The following PRPH2 variants were observed in gnomAD, a reference collection of about 807,000 sequenced individuals.
PRPH2 encodes the protein peripherin-2.
Under a neutral mutation model 31.3 loss-of-function variants are expected in PRPH2, and 17 were observed. The observed-to-expected ratio is 0.54, with a 90% confidence interval of 0.37 to 0.81. PRPH2 has a LOEUF of 0.81. Ranked by LOEUF, PRPH2 falls within the 40% of genes least tolerant of loss-of-function variation. PRPH2 has a pLI of 0.00. For missense variants in PRPH2, 430 were observed against 439.7 expected (o/e 0.98, Z 0.20); for synonymous variants, 165 against 184.4 (o/e 0.89, Z 0.85).
At chr6:42,704,682 C>T in intron 1 of PRPH2, 71 bp from the exon 2 acceptor site, 2 of 1,605,720 alleles carry the variant, frequency 1.2e-6, no homozygotes, top group Non-Finnish European at 1.7e-6. Context: ...CTCCCAACCC[C>T]TGCCTCTGGA....
At chr6:42,721,012 A>G (rs1761892549) in intron 1 of PRPH2, among the ~76,000 whole-genome samples, 1 of 152,228 alleles carries the variant, frequency 6.6e-6, no homozygotes, top group African/African-American at 2.4e-5. Flanking sequence ...ATCACATTGC[A>G]CTATCATGAC....
At chr6:42,699,262 C>T (rs562486899) in intron 2 of PRPH2, among the ~76,000 whole-genome samples, 1 of 151,922 alleles carries the variant, frequency 6.6e-6, no homozygotes, top group South Asian at 2.1e-4. Flanking sequence ...TATGTGGTTT[C>T]CCCATGTTGC....
At chr6:42,717,181 G>A (rs1761804248) in intron 1 of PRPH2, among the ~76,000 whole-genome samples, 1 of 150,816 alleles carries the variant, frequency 6.6e-6, no homozygotes, top group East Asian at 2.0e-4. Context: ...GGGAGGCCAA[G>A]GAAGGTGGAT....
rs1220298682 is a variant in PRPH2 at position 42,698,303 on chromosome 6, C to T, written c.1033G>A (p.Ala345Thr). Reference sequence around the variant, plus strand: ...GAGGGGCCCCAGGGCCCTCAGCCAGCCTCTGGGGCCTGGCCTGCGTCTGCG... The same window carrying T: ...GAGGGGCCCCAGGGCCCTCAGCCAGTCTCTGGGGCCTGGCCTGCGTCTGCG... ...EGADAGQAPE[A>T]G Residue 345 changes from alanine to threonine, a missense_variant, in exon 3 of 3, where the codon GCT (alanine) becomes ACT (threonine). Transcript: ENST00000230381. The T allele has an allele frequency of 6.2e-7, 1 of 1,613,620 alleles. No individual in the cohort carries two copies. The highest frequency in any genetic ancestry group is 8.5e-7 in the Non-Finnish European group (1 of 1,179,810).
At chr6:42,713,643 G>A (rs1023139982) in intron 1 of PRPH2, among the ~76,000 whole-genome samples, 5 of 151,952 alleles carry the variant, frequency 3.3e-5, no homozygotes, top group South Asian at 2.1e-4. Flanking sequence ...GGGAAAGGCC[G>A]GGAGCGGTGG....
intron 1 of PRPH2, among the ~76,000 whole-genome samples, chr6:42,707,464 G>C (rs773392938): frequency 4.6e-5 from 7 of 152,036 alleles, no homozygotes; most frequent in Non-Finnish European, 1.0e-4. Flanking sequence ...TTCTCCTCTG[G>C]TCTCTCCTGC....
Position 42,697,585 on chromosome 6 carries a change from A to C in PRPH2, c.*710T>G, listed in dbSNP as rs1799969148. ...GCCTGACTTCCTCAACCCGTGGTTCACTCCAGACTCAGTGACCGAGGGCAT... is the reference window on the plus strand; with the variant it reads ...GCCTGACTTCCTCAACCCGTGGTTCCCTCCAGACTCAGTGACCGAGGGCAT... On this transcript the variant is annotated 3_prime_UTR_variant, in exon 3 of 3. Transcript: ENST00000230381. 6.6e-6 allele frequency: 1 copy of C among 152,158 alleles called. No individual in the cohort carries two copies. Among genetic ancestry groups the C allele is most frequent in the African/African-American group, 2.4e-5 (1 of 41,390 alleles). 9.4% of individuals were successfully genotyped at this position (152,158 alleles called of 1,614,324 possible). A position where few individuals can be genotyped will look rare whatever the true frequency, so the allele number is the denominator to read the frequency against.
Position 42,704,571 on chromosome 6 carries a change from C to T in PRPH2, c.622G>A (p.Gly208Ser), listed in dbSNP as rs901479607. 5 of 1,614,142 alleles carry T rather than the reference C, an allele frequency of 3.1e-6. No individual in the cohort carries two copies. Among genetic ancestry groups the T allele is most frequent in the Admixed American group, 3.3e-5 (2 of 60,022 alleles). Reference sequence around the variant, plus strand: ...GGATTGCAGCAGCTGAAAGGGACGCCGTCCACCAGGTACCGCCCATCCACG... The same window carrying T: ...GGATTGCAGCAGCTGAAAGGGACGCTGTCCACCAGGTACCGCCCATCCACG... Reference protein sequence around the residue: ...SNVDGRYLVDGVPFSCCNPSS... With the variant: ...SNVDGRYLVDSVPFSCCNPSS... The change falls in exon 2 of 3, where the codon GGC becomes AGC. Residue 208 changes from glycine (G) to serine (S), a missense_variant. Transcript: ENST00000230381.
intron 1 of PRPH2, among the ~76,000 whole-genome samples, chr6:42,713,945 AAAGAC>A (rs1761725886): frequency 1.3e-5 from 2 of 150,126 alleles, no homozygotes; most frequent in African/African-American, 2.4e-5. Context: ...AAAAAAAAAA[AAAGAC>A]AGGGAAAGAC....
At chr6:42,714,218 T>A (rs1300026662) in intron 1 of PRPH2, among the ~76,000 whole-genome samples, 1 of 152,146 alleles carries the variant, frequency 6.6e-6, no homozygotes, top group Non-Finnish European at 1.5e-5. Context: ...TTGAAAACAC[T>A]ATGCTAAGTG....
chr6:42,699,096 A>T (rs1373192852), intron 2 of PRPH2, among the ~76,000 whole-genome samples: 2 of 146,792 alleles, frequency 1.4e-5, no homozygotes, highest in African/African-American at 5.1e-5. Context: ...TCTGTCACCC[A>T]TGCTGGAGTG....
chr6:42,706,136 T>G (rs1800159475), intron 1 of PRPH2, among the ~76,000 whole-genome samples: 1 of 151,758 alleles, frequency 6.6e-6, no homozygotes, highest in East Asian at 2.0e-4. Context: ...CCGGGCACGG[T>G]GGCTCAAGCC....
chr6:42,711,808 G>A, intron 1 of PRPH2: 2 of 985,404 alleles, frequency 2.0e-6, no homozygotes, highest in Non-Finnish European at 2.4e-6. Flanking sequence ...AGAGCTTGGT[G>A]CCAGCTTCTC....
intron 1 of PRPH2, among the ~76,000 whole-genome samples, chr6:42,706,639 C>G (rs1040066152): frequency 1.3e-5 from 2 of 151,648 alleles, no homozygotes; most frequent in African/African-American, 4.8e-5. Context: ...GCGAAGAATG[C>G]GTTACATAAT....
chr6:42,711,639 AG>A (rs1761646486), intron 1 of PRPH2, among the ~76,000 whole-genome samples: 1 of 152,182 alleles, frequency 6.6e-6, no homozygotes, highest in South Asian at 2.1e-4. Flanking sequence ...CCCAATTTGA[AG>A]GGGAGACACA....
At chr6:42,706,036 C>G (rs937103601) in intron 1 of PRPH2, among the ~76,000 whole-genome samples, 1 of 151,566 alleles carries the variant, frequency 6.6e-6, no homozygotes, top group Non-Finnish European at 1.5e-5. Context: ...TTTGGGAGGC[C>G]CAGGTGGGCA....
In PRPH2 at chr6:42,698,055, C is replaced by T. The variant is rs1031317863; in HGVS notation, c.*240G>A. The T allele has an allele frequency of 1.8e-6, 1 of 566,232 alleles. No individual in the cohort carries two copies. The highest frequency in any genetic ancestry group is 3.1e-6 in the Non-Finnish European group (1 of 321,920). The allele number at this position is 566,232 out of a possible 1,614,324, so 35.1% of individuals were successfully genotyped here. On this transcript the variant is annotated 3_prime_UTR_variant, in exon 3 of 3. Coordinates refer to ENST00000230381, the MANE Select transcript of PRPH2 (RefSeq NM_000322.5). ...GAGGGCATATCCTAGGGCAGCGGGC[C>T]TGAAGGGAGCTTCACTCACATTCAC...
chr6:42,705,945 T>C (rs1800155311), intron 1 of PRPH2, among the ~76,000 whole-genome samples: 1 of 132,204 alleles, frequency 7.6e-6, no homozygotes, highest in African/African-American at 2.9e-5. Flanking sequence ...TACGATACAG[T>C]GAGACCCCGT....
chr6:42,722,108 G>T lies in PRPH2; in HGVS notation c.227C>A (p.Ser76Ter), dbSNP rs1203908646. ...GTCGTAGCAGATCTTCCCAGCCAGC[G>T]AGTTGAAGACACAGGATAGCACCCC... ...GMGVLSCVFNSLAGKICYDAL... is the reference protein window; with the variant it reads ...GMGVLSCVFN Residue 76 changes from serine (S) to a stop codon, truncating the protein, a stop_gained, in exon 1 of 3, where the codon TCG (serine) becomes TAG (stop). Transcript: ENST00000230381. LOFTEE classifies it high-confidence loss of function. This position sits in a 1 kb window ranked among gnomAD's most constrained non-coding sequence, Gnocchi z 4.4. The T allele has an allele frequency of 6.2e-7, 1 of 1,614,134 alleles. No homozygotes were observed. Among genetic ancestry groups the T allele is most frequent in the Non-Finnish European group, 8.5e-7 (1 of 1,180,006 alleles).
Sources: gnomAD v4.1 joint callset for allele counts (sites outside exome capture counted in the v4.1 genomes callset) on GRCh38, gnomAD v4.1.1 for gene constraint, Gnocchi (gnomAD v3.1) non-coding constraint, MANE v1.5 for transcripts, NCBI Gene and HGNC (gene_info 2026-07-23, HGNC 2026-07-21) for gene names.